The following UNC79 variants were observed in gnomAD, a reference collection of about 807,000 sequenced individuals.
UNC79 encodes the protein protein unc-79 homolog.
A neutral mutation model predicts 283.1 loss-of-function variants in UNC79; 37 were observed. That is an observed-to-expected ratio of 0.13 (90% CI 0.10 to 0.17). The LOEUF (loss-of-function observed/expected upper bound fraction) is 0.17. Among genes scored for constraint, UNC79 ranks in the 10% least tolerant of loss-of-function variants. The pLI, the probability that UNC79 is intolerant of heterozygous loss-of-function variation, is 1.00. For synonymous variants in UNC79, 1,107 were observed against 1,200.2 expected, an observed-to-expected ratio of 0.92 and a Z score of 1.61; for missense variants, 2,272 against 3,211.1, an observed-to-expected ratio of 0.71 and a Z score of 7.07.
intron 10 of UNC79, among the ~76,000 whole-genome samples, chr14:93,530,949 CA>C (rs1392813639): frequency 6.6e-6 from 1 of 152,084 alleles, no homozygotes; most frequent in East Asian, 1.9e-4. Context: ...ACAACAACAA[CA>C]AAAAACCTGT....
At chr14:93,343,026 C>T (rs1042232093) in intron 1 of UNC79, among the ~76,000 whole-genome samples, 1 of 152,236 alleles carries the variant, frequency 6.6e-6, no homozygotes, top group African/African-American at 2.4e-5. Context: ...CCACAGGTCT[C>T]TAGGAAGTTC....
intron 1 of UNC79, among the ~76,000 whole-genome samples, chr14:93,370,059 A>G (rs2054410875): frequency 6.6e-6 from 1 of 152,234 alleles, no homozygotes; most frequent in Non-Finnish European, 1.5e-5. Flanking sequence ...TCACAGGACT[A>G]TAGAATGCTT....
chr14:93,403,243 G>A (rs1222274652), intron 1 of UNC79, among the ~76,000 whole-genome samples: 1 of 152,204 alleles, frequency 6.6e-6, no homozygotes, highest in East Asian at 1.9e-4. Context: ...TTTTTCTCGT[G>A]TAAGCAGAGG....
At chr14:93,385,884 G>C (rs2054764155) in intron 1 of UNC79, among the ~76,000 whole-genome samples, 1 of 152,050 alleles carries the variant, frequency 6.6e-6, no homozygotes. Context: ...GGAGTCTTTA[G>C]GTTTTTCCAA....
intron 35 of UNC79, among the ~76,000 whole-genome samples, chr14:93,649,656 A>G (rs1207064384): frequency 6.6e-6 from 1 of 152,240 alleles, no homozygotes; most frequent in Admixed American, 6.5e-5. Flanking sequence ...AGATGTGTAC[A>G]TTGTGAAATG....
chr14:93,457,776 G>A (rs1481717932), intron 1 of UNC79, among the ~76,000 whole-genome samples: 1 of 152,228 alleles, frequency 6.6e-6, no homozygotes, highest in Non-Finnish European at 1.5e-5. Context: ...AATTAATCTA[G>A]GGAAAAGATT....
At chr14:93,669,246 G>GA (rs888610687) in intron 40 of UNC79, among the ~76,000 whole-genome samples, 1 of 151,916 alleles carries the variant, frequency 6.6e-6, no homozygotes, top group Admixed American at 6.6e-5. Context: ...AAAGTAAAAA[G>GA]AAAAAAAGTG....
In UNC79 at chr14:93,582,363, C is replaced by A; in HGVS notation, c.2803+19C>A. The A allele has an allele frequency of 2.5e-6, 4 of 1,610,270 alleles. No homozygotes were observed. Among genetic ancestry groups the A allele is most frequent in the Non-Finnish European group, 3.4e-6 (4 of 1,178,342 alleles). ...CATGCTGGTAGGTGTGCACTGACTGCCGGGGAATGCGCCACGTGCACATGG... is the reference window on the plus strand; with the variant it reads ...CATGCTGGTAGGTGTGCACTGACTGACGGGGAATGCGCCACGTGCACATGG... On this transcript the variant is annotated intron_variant, in intron 20 of 48. Transcript: ENST00000555664.
At chr14:93,559,807 AC>A (rs1372592919) in intron 14 of UNC79, among the ~76,000 whole-genome samples, 1 of 152,176 alleles carries the variant, frequency 6.6e-6, no homozygotes, top group African/African-American at 2.4e-5. Flanking sequence ...CACAGGGGAT[AC>A]GATGGCTTAG....
chr14:93,390,569 AAAG>A (rs1399884784), intron 1 of UNC79, among the ~76,000 whole-genome samples: 5 of 152,198 alleles, frequency 3.3e-5, no homozygotes, highest in Non-Finnish European at 7.3e-5. Flanking sequence ...GAAAAATTTA[AAAG>A]AAGGTATAGA....
At chr14:93,583,329 A>AT (rs201860625) in intron 20 of UNC79, among the ~76,000 whole-genome samples, 4,542 of 151,446 alleles carry the variant, frequency 0.03, 230 homozygotes, top group African/African-American at 0.1. Context: ...AAAAAAAAAA[A>AT]AATAATAAAT....
rs1225446250 is a variant in UNC79 at position 93,542,511 on chromosome 14, G to T, written c.1570G>T (p.Ala524Ser). 7 of 1,614,108 alleles carry T rather than the reference G, an allele frequency of 4.3e-6. No homozygotes were observed. The Admixed American group carries it at 1.0e-4, about 23-fold the overall frequency. ...TGAGAACACGCCTACAGAAAGCTTG[G>T]CCCGGCTGGTGGCCATGGTGTTTCA... is the stretch of plus-strand genomic sequence containing the variant. Residue 524 changes from alanine (A) to serine (S), a missense_variant, in exon 14 of 49, where the codon GCC becomes TCC. By Grantham distance (99) the Ala-to-Ser change is moderately conservative. Transcript: ENST00000555664.
intron 47 of UNC79, among the ~76,000 whole-genome samples, chr14:93,701,177 A>T (rs897032321): frequency 6.6e-6 from 1 of 152,222 alleles, no homozygotes; most frequent in African/African-American, 2.4e-5. Flanking sequence ...GTGAGCTGGA[A>T]TACCTGCAGG....
chr14:93,561,086 A>C lies in UNC79; in HGVS notation c.1756-10808A>C, dbSNP rs758945070. Among the ~76,000 whole-genome samples, 25 of 152,150 alleles carry C rather than the reference A, an allele frequency of 1.6e-4. 1 individual carries two copies. Among genetic ancestry groups the C allele is most frequent in the Admixed American group, 2.0e-4 (3 of 15,280 alleles). On this transcript the variant is annotated intron_variant, in intron 14 of 48. Coordinates refer to ENST00000555664, the Ensembl canonical transcript of UNC79. ...GTCTTCCTAAGCAATAATTACTGCT[A>C]ATGTTTTTAAGTTTGCCAGTATTGA...
intron 1 of UNC79, among the ~76,000 whole-genome samples, chr14:93,416,670 G>T (rs1012484807): frequency 2.6e-5 from 4 of 152,042 alleles, no homozygotes; most frequent in African/African-American, 9.7e-5. Flanking sequence ...CTCTTTGTAG[G>T]TCACTCAGGA....
Position 93,659,681 on chromosome 14 carries a change from C to T in UNC79, c.6525+420C>T, listed in dbSNP as rs1482733059. ...TCCAATTTAATCTTTGGCTCCATGTCTTATTCATCCCTTCCTCCTATGCAC... is the reference window on the plus strand; with the variant it reads ...TCCAATTTAATCTTTGGCTCCATGTTTTATTCATCCCTTCCTCCTATGCAC... On this transcript the variant is annotated intron_variant, in intron 39 of 48. Coordinates refer to ENST00000555664, the Ensembl canonical transcript of UNC79. Among the ~76,000 whole-genome samples the T allele has an allele frequency of 7.2e-5, 11 of 152,184 alleles. 1 individual carries two copies. In the South Asian group the frequency reaches 2.3e-3, roughly 32 times the overall value.
At chr14:93,450,785 G>T (rs1296640385) in intron 1 of UNC79, among the ~76,000 whole-genome samples, 1 of 152,084 alleles carries the variant, frequency 6.6e-6, no homozygotes, top group Non-Finnish European at 1.5e-5. Flanking sequence ...TTTACTCATT[G>T]TGGTGGGCTC....
chr14:93,587,727 A>G (rs1362095365), intron 22 of UNC79, among the ~76,000 whole-genome samples: 5 of 152,332 alleles, frequency 3.3e-5, no homozygotes, highest in Admixed American at 2.6e-4. Context: ...GGTGGTCTTC[A>G]TAATAACCCC....
At chr14:93,591,172 A>C (rs956202764) in intron 22 of UNC79, among the ~76,000 whole-genome samples, 2 of 152,220 alleles carry the variant, frequency 1.3e-5, no homozygotes, top group African/African-American at 4.8e-5. Flanking sequence ...TAGCTCTAGT[A>C]TGCCTTCTGA....
Sources: allele counts gnomAD v4.1 joint callset (sites outside exome capture counted in the v4.1 genomes callset), GRCh38; gene constraint gnomAD v4.1.1; transcripts MANE v1.5; gene names NCBI Gene and HGNC (gene_info 2026-07-23, HGNC 2026-07-21).